Variants in GABRA3 observed in about 807,000 individuals in gnomAD.
GABRA3 encodes the protein gamma-aminobutyric acid type A receptor subunit alpha3, also known as gamma-aminobutyric acid receptor subunit alpha-3.
A neutral mutation model predicts 30.1 loss-of-function variants in GABRA3; 10 were observed. The ratio of observed to expected loss-of-function variants is 0.33; its 90% CI spans 0.20 to 0.56. The LOEUF is 0.56. Among genes scored for constraint, GABRA3 ranks in the 20% least tolerant of loss-of-function variants. GABRA3 has a pLI of 0.89. For missense variants in GABRA3, 233 were observed against 392.0 expected (o/e 0.59, Z 3.42); for synonymous variants, 151 against 146.8 (o/e 1.03, Z -0.21).
intron 3 of GABRA3, among the ~76,000 whole-genome samples, chrX:152,325,148 T>A (rs1203651011): frequency 9.0e-6 from 1 of 111,153 alleles, no homozygotes; most frequent in Non-Finnish European, 1.9e-5. Context: ...TATGGATGAC[T>A]TGTATCCCAA....
At chrX:152,410,170 C>T (rs1930034034) in intron 1 of GABRA3, among the ~76,000 whole-genome samples, 1 of 111,359 alleles carries the variant, frequency 9.0e-6, no homozygotes, top group Non-Finnish European at 1.9e-5. Flanking sequence ...AAAATTAAAA[C>T]AATTCAACTC....
intron 6 of GABRA3, among the ~76,000 whole-genome samples, chrX:152,219,108 C>A (rs1937783144): frequency 9.0e-6 from 1 of 111,255 alleles, no homozygotes. Flanking sequence ...AAATTATTCT[C>A]TTCTTTCTAG....
chrX:152,293,194 T>C (rs1243998835), intron 3 of GABRA3, among the ~76,000 whole-genome samples: 1 of 111,226 alleles, frequency 9.0e-6, no homozygotes, highest in Non-Finnish European at 1.9e-5. Flanking sequence ...CTAAGTCTCT[T>C]TGTAGGTCTC....
chrX:152,255,616 T>C (rs772523260), intron 5 of GABRA3, among the ~76,000 whole-genome samples, 162 bp downstream of exon 5: 9 of 112,567 alleles, frequency 8.0e-5, no homozygotes, highest in Non-Finnish European at 1.7e-4. Context: ...TATATATGTC[T>C]GTGAGTATGT....
At chrX:152,279,134 T>G (rs1417422523) in intron 4 of GABRA3, among the ~76,000 whole-genome samples, 2 of 112,104 alleles carry the variant, frequency 1.8e-5, no homozygotes, top group African/African-American at 6.5e-5. Context: ...ATTTGTCAAT[T>G]TTGGCTTTTG....
intron 3 of GABRA3, among the ~76,000 whole-genome samples, chrX:152,326,121 G>T (rs1302222905): frequency 9.0e-6 from 1 of 110,897 alleles, no homozygotes; most frequent in African/African-American, 3.3e-5. Flanking sequence ...AAGATCAAGT[G>T]AATGAAATGG....
At chrX:152,247,944 G>A (rs1324029275) in intron 5 of GABRA3, among the ~76,000 whole-genome samples, 1 of 111,113 alleles carries the variant, frequency 9.0e-6, no homozygotes, top group Non-Finnish European at 1.9e-5. Context: ...TTGTTGTGGT[G>A]GTTGTTGTCG....
intron 5 of GABRA3, among the ~76,000 whole-genome samples, chrX:152,227,917 T>C (rs1937995887): frequency 9.0e-6 from 1 of 111,382 alleles, no homozygotes; most frequent in South Asian, 3.8e-4. Context: ...CAGTAATCTT[T>C]AAGTCATATG....
chrX:152,400,575 G>C (rs1355124717), intron 1 of GABRA3, among the ~76,000 whole-genome samples: 1 of 111,011 alleles, frequency 9.0e-6, no homozygotes, highest in Non-Finnish European at 1.9e-5. Context: ...GCAAGATTTT[G>C]GTCCCCATGA....
chrX:152,168,252 G>A lies in GABRA3; in HGVS notation c.1455C>T (p.Ile485=), dbSNP rs1936960509. ...WATYVNRESA[I]KGMIRKQ is the part of the protein sequence containing the mutation. ...TCTACTGTTTGCGGATCATGCCCTT[G>A]ATAGCTGACTCCCGGTTGACATATG... Residue 485 remains isoleucine, a synonymous_variant, in exon 10 of 10, where the codon ATC becomes ATT. Transcript: ENST00000370314. The A allele has an allele frequency of 8.3e-7, 1 of 1,208,914 alleles. No individual in the cohort carries two copies. The highest frequency in any genetic ancestry group is 1.8e-5 in the South Asian group (1 of 56,736).
chrX:152,364,209 G>A (rs1464295581), intron 2 of GABRA3, among the ~76,000 whole-genome samples: 2 of 111,313 alleles, frequency 1.8e-5, no homozygotes, highest in Non-Finnish European at 3.8e-5. Flanking sequence ...TATTACAGAG[G>A]TGATTCAAGC....
intron 1 of GABRA3, among the ~76,000 whole-genome samples, chrX:152,383,656 A>G (rs1929213345): frequency 9.2e-6 from 1 of 108,479 alleles, no homozygotes; most frequent in Admixed American, 1.0e-4. Context: ...ATCAATTTAG[A>G]AAAAGAATGT....
chrX:152,233,383 G>A lies in GABRA3; in HGVS notation c.552-8538C>T, dbSNP rs775718376. Among the ~76,000 whole-genome samples the A allele has an allele frequency of 7.2e-5, 8 of 110,367 alleles. No homozygotes were observed. The East Asian group carries it at 1.4e-3, about 20-fold the overall frequency. On this transcript the variant is annotated intron_variant, in intron 5 of 9. Transcript: ENST00000370314. Reference sequence around the variant, plus strand: ...GTGTTTTAGCCATCAAAAAGTGCGCGAAGGACATGAACAGACACTTCTCAA... The same window carrying A: ...GTGTTTTAGCCATCAAAAAGTGCGCAAAGGACATGAACAGACACTTCTCAA...
intron 5 of GABRA3, among the ~76,000 whole-genome samples, chrX:152,230,019 G>C (rs772177031): frequency 9.0e-6 from 1 of 111,245 alleles, no homozygotes; most frequent in South Asian, 3.8e-4. Flanking sequence ...CTTCCCCTAA[G>C]ATCAAGCAAG....
intron 1 of GABRA3, among the ~76,000 whole-genome samples, chrX:152,429,130 G>A (rs1262498043): frequency 9.0e-6 from 1 of 111,365 alleles, no homozygotes; most frequent in Non-Finnish European, 1.9e-5. Context: ...GAGTGAGACA[G>A]GTCAGGAAAA....
intron 7 of GABRA3, among the ~76,000 whole-genome samples, chrX:152,199,177 T>A (rs193281452): frequency 9.1e-6 from 1 of 109,724 alleles, no homozygotes; most frequent in Non-Finnish European, 1.9e-5. Flanking sequence ...CCATCCTGGC[T>A]AACATGGTGA....
In GABRA3 at chrX:152,301,384, A is replaced by G. The variant is rs977119703; in HGVS notation, c.263-16649T>C. On this transcript the variant is annotated intron_variant, in intron 3 of 9. Coordinates refer to ENST00000370314, the MANE Select transcript of GABRA3 (RefSeq NM_000808.4). ...CCAAAGAAGTTTCTTTGGGCTCAAGAGAAATAATGTCATGGGGAAATTAGA... is the reference window on the plus strand; with the variant it reads ...CCAAAGAAGTTTCTTTGGGCTCAAGGGAAATAATGTCATGGGGAAATTAGA... 5.2e-4 allele frequency among the ~76,000 whole-genome samples: 58 copies of G among 112,258 alleles called. 1 individual carries two copies. Among genetic ancestry groups the G allele is most frequent in the African/African-American group, 1.8e-3 (56 of 30,981 alleles).
At chrX:152,275,223 T>G (rs1223384705) in intron 4 of GABRA3, among the ~76,000 whole-genome samples, 1 of 69,785 alleles carries the variant, frequency 1.4e-5, no homozygotes, top group Non-Finnish European at 2.4e-5. Flanking sequence ...ATTATATATA[T>G]ATAATTTATA....
intron 6 of GABRA3, among the ~76,000 whole-genome samples, chrX:152,221,470 G>A (rs190026492): frequency 2.3e-4 from 26 of 111,754 alleles, no homozygotes; most frequent in Admixed American, 2.3e-3. Context: ...AGATTTTAAT[G>A]TAAATTTCCC....
Sources: gnomAD v4.1 joint callset for allele counts (sites outside exome capture counted in the v4.1 genomes callset) on GRCh38, gnomAD v4.1.1 for gene constraint, MANE v1.5 for transcripts, NCBI Gene and HGNC (gene_info 2026-07-23, HGNC 2026-07-21) for gene names.